DHX8: variants seen among roughly 807,000 people sequenced by gnomAD.
DHX8 encodes the protein ATP-dependent RNA helicase DHX8.
In DHX8, 67 loss-of-function variants were observed where a neutral mutation model predicts 140.7. That is an observed-to-expected ratio of 0.48 (90% CI 0.39 to 0.58). The LOEUF is 0.58. Ranked by LOEUF, DHX8 falls within the 20% of genes least tolerant of loss-of-function variation. The pLI is 0.00. For missense variants in DHX8, 887 were observed against 1,550.7 expected (o/e 0.57, Z 7.19); for synonymous variants, 533 against 553.2 (o/e 0.96, Z 0.51).
intron 3 of DHX8, among the ~76,000 whole-genome samples, chr17:43,536,930 A>G (rs776645109): frequency 2.6e-5 from 4 of 152,142 alleles, no homozygotes; most frequent in Admixed American, 6.6e-5. Context: ...CTTCTTCTAG[A>G]TGCTTTGTCT....
intron 3 of DHX8, 40 bp from the exon 4 acceptor site, chr17:43,491,125 T>C: frequency 1.1e-6 from 1 of 894,728 alleles, no homozygotes. Flanking sequence ...TAAATATATA[T>C]CTCTTTTTTT....
At chr17:43,529,506 C>T (rs768920741), downstream of DHX8, 20 of 1,609,200 alleles carry the variant, frequency 1.2e-5, no homozygotes, top group Non-Finnish European at 1.7e-5. Flanking sequence ...AGGCCCACCT[C>T]CTCAGGCTCA....
rs371554627 is a variant in DHX8, at chr17:43,493,599, A to T, written c.1008+10A>T. ...CAGCCTGAGCATGAAGGTAGGTGAG[A>T]TGGTCAGCCTGTTCTTACATGTGAT... On this transcript the variant is annotated intron_variant, in intron 7 of 22. Transcript: ENST00000262415. 1.1e-5 allele frequency: 18 copies of T among 1,614,024 alleles called. No homozygotes were observed. The highest frequency in any genetic ancestry group is 1.4e-5 in the Non-Finnish European group (16 of 1,180,010).
intron 20 of DHX8, among the ~76,000 whole-genome samples, chr17:43,521,108 G>A (rs375512459): frequency 9.9e-5 from 15 of 151,594 alleles, no homozygotes; most frequent in African/African-American, 2.4e-4. Flanking sequence ...GATTACAGGC[G>A]TGCGCCACCG....
At chr17:43,521,919 C>T in intron 21 of DHX8, 128 bp from the exon 22 acceptor site, 1 of 965,824 alleles carries the variant, frequency 1.0e-6, no homozygotes, top group East Asian at 2.4e-5. Context: ...CTGTAGTACA[C>T]TTAGGGCTGG....
chr17:43,529,560 G>C (rs1186959164), downstream of DHX8: 1 of 1,614,082 alleles, frequency 6.2e-7, no homozygotes, highest in Non-Finnish European at 8.5e-7. Flanking sequence ...GCAATGAAAT[G>C]GGCATTTGTT....
downstream of DHX8, chr17:43,530,148 G>T (rs759361652): frequency 6.4e-6 from 10 of 1,563,026 alleles, no homozygotes; most frequent in Non-Finnish European, 7.8e-6. Flanking sequence ...GAAGCCCTCT[G>T]TGTGGAGGTA....
intron 18 of DHX8, chr17:43,518,984 T>G (rs1970247002): frequency 1.3e-5 from 2 of 152,258 alleles, no homozygotes; most frequent in Non-Finnish European, 2.9e-5. Flanking sequence ...ATATACCACA[T>G]TTTGTTTATC....
chr17:43,529,934 G>C, downstream of DHX8: 3 of 1,614,156 alleles, frequency 1.9e-6, no homozygotes, highest in Non-Finnish European at 2.5e-6. Context: ...TGGTCGCAGA[G>C]GTTTCTCATA....
intron 3 of DHX8, among the ~76,000 whole-genome samples, chr17:43,541,008 C>T (rs1449680188): frequency 1.3e-5 from 2 of 152,114 alleles, no homozygotes; most frequent in Non-Finnish European, 2.9e-5. Flanking sequence ...AGAGAACCCT[C>T]AGCATCATCT....
At chr17:43,530,117 G>A (rs1433034873), downstream of DHX8, 6 of 1,583,344 alleles carry the variant, frequency 3.8e-6, no homozygotes, top group East Asian at 2.3e-5. Context: ...CCATGGCCCC[G>A]TCACCTGGAG....
intron 11 of DHX8, among the ~76,000 whole-genome samples, chr17:43,500,375 T>G: frequency 6.6e-6 from 1 of 151,890 alleles, no homozygotes; most frequent in East Asian, 1.9e-4. Flanking sequence ...TAATCCCAGC[T>G]ACTCGGGAGG....
chr17:43,517,594 A>G, intron 18 of DHX8: 1 of 379,968 alleles, frequency 2.6e-6, no homozygotes, highest in Non-Finnish European at 4.8e-6. Context: ...ATTTTCTAAA[A>G]GGAAATTAGA....
At chr17:43,519,347 A>G (rs976878997) in intron 18 of DHX8, 1 of 152,108 alleles carries the variant, frequency 6.6e-6, no homozygotes, top group Non-Finnish European at 1.5e-5. Context: ...GCATTTCCCT[A>G]ATTACTACTG....
downstream of DHX8, among the ~76,000 whole-genome samples, chr17:43,530,904 C>CATTCATGCCTCCATTTTGTGAATGGA (rs1413141345): frequency 1.3e-5 from 2 of 152,098 alleles, no homozygotes; most frequent in Non-Finnish European, 1.5e-5. Context: ...AGGGTGGGCT[C>CATTCATGCCTCCATTTTGTGAATGGA]ATTCATGCCT....
At chr17:43,493,294 G>A in intron 6 of DHX8, 151 bp from the exon 7 acceptor site, 1 of 1,162,278 alleles carries the variant, frequency 8.6e-7, no homozygotes, top group Admixed American at 2.7e-5. Context: ...CATGAGGAGA[G>A]TGTTAATACT....
intron 22 of DHX8, among the ~76,000 whole-genome samples, chr17:43,522,662 C>T (rs1298891246): frequency 1.4e-5 from 2 of 144,168 alleles, no homozygotes; most frequent in East Asian, 2.1e-4. Context: ...ACAGGACAAT[C>T]GCTTGAACCC....
At chr17:43,492,148 T>G (rs1348379301) in intron 4 of DHX8, 35 bp from the exon 5 acceptor site, 1 of 1,535,160 alleles carries the variant, frequency 6.5e-7, no homozygotes, top group Admixed American at 1.7e-5. Context: ...TTGAGTAGTT[T>G]TTTTTCCTAA....
At position 43,499,968 on chromosome 17, in the gene DHX8, TC is replaced by T; in HGVS notation, c.1414del (p.Leu472SerfsTer6). 1 of 1,613,938 alleles carries T rather than the reference TC, an allele frequency of 6.2e-7. No homozygotes were observed. Among genetic ancestry groups the T allele is most frequent in the Middle Eastern group, 1.6e-4 (1 of 6,062 alleles). ...TCTGTTGCACCAGAACCCAGACGGCTCCCTCTCCCAAGCAGCAATGATGCAG... is the reference window on the plus strand; with the variant it reads ...TCTGTTGCACCAGAACCCAGACGGCTCCTCTCCCAAGCAGCAATGATGCAG... ...PIKIVKNPDG[S>X]LSQAAMMQSA... On this transcript the variant is annotated frameshift_variant, in exon 11 of 23. Transcript: ENST00000262415. LOFTEE classifies it high-confidence loss of function.
Sources: gnomAD v4.1 joint callset for allele counts (sites outside exome capture counted in the v4.1 genomes callset) on GRCh38, gnomAD v4.1.1 for gene constraint, MANE v1.5 for transcripts, NCBI Gene and HGNC (gene_info 2026-07-23, HGNC 2026-07-21) for gene names.